The following PTPRT variants were observed in gnomAD, a reference collection of about 807,000 sequenced individuals.
The protein encoded by PTPRT is receptor-type tyrosine-protein phosphatase T.
PTPRT carries 56 observed loss-of-function variants against 176.8 expected under a neutral mutation model. The observed-to-expected ratio is 0.32, with a 90% CI of 0.26 to 0.40. The LOEUF is 0.40. PTPRT is among the 10% of genes least tolerant of loss of function. The probability of loss-of-function intolerance (pLI) is 1.00; values close to 1 mark genes in which losing one functional copy is unlikely to be tolerated. For missense variants in PTPRT, 1,540 were observed against 1,908.2 expected, an observed-to-expected ratio of 0.81 and a Z score of 3.60; for synonymous variants, 783 against 739.0, an observed-to-expected ratio of 1.06 and a Z score of -0.96.
At chr20:42,826,159 G>A (rs769158309) in intron 2 of PTPRT, among the ~76,000 whole-genome samples, 1 of 151,952 alleles carries the variant, frequency 6.6e-6, no homozygotes, top group Admixed American at 6.6e-5. Flanking sequence ...GCAAAACCAC[G>A]GGTGATCCAC....
intron 16 of PTPRT, among the ~76,000 whole-genome samples, chr20:42,194,897 C>A (rs1991142364): frequency 6.6e-6 from 1 of 152,022 alleles, no homozygotes; most frequent in Non-Finnish European, 1.5e-5. Flanking sequence ...ACTTAGCAGT[C>A]ACTTGAAATA....
In PTPRT at chr20:42,471,678, T is replaced by C. The variant is rs62204881; in HGVS notation, c.1450+588A>G. 8.4e-3 allele frequency among the ~76,000 whole-genome samples: 1,284 copies of C among 152,222 alleles called. 11 individuals carry two copies. Among genetic ancestry groups the C allele is most frequent in the Middle Eastern group, 0.014 (4 of 294 alleles). ...TTTTGTTTTGTTTTTTTGGTAGAGA[T>C]GGAATCTCACTCTGTTGCCCAGGCT... On this transcript the variant is annotated intron_variant, in intron 8 of 30. Coordinates refer to ENST00000373187, the MANE Select transcript of PTPRT (RefSeq NM_007050.6).
In PTPRT at chr20:43,189,478, C is replaced by G. The variant is rs921959280; in HGVS notation, c.88+168G>C. Reference sequence around the variant, plus strand: ...GGCCGGGCTCGCTGGCCGGGGCGCGCGGGGACACTGCTTCCCGCGCCTGCA... The same window carrying G: ...GGCCGGGCTCGCTGGCCGGGGCGCGGGGGGACACTGCTTCCCGCGCCTGCA... On this transcript the variant is annotated intron_variant, in intron 1 of 30. Coordinates refer to ENST00000373187, the MANE Select transcript of PTPRT (RefSeq NM_007050.6). This position sits in a 1 kb window ranked among gnomAD's most constrained non-coding sequence, Gnocchi z 5.0. 6.6e-6 allele frequency among the ~76,000 whole-genome samples: 1 copy of G among 151,818 alleles called. No homozygotes were observed. Among genetic ancestry groups the G allele is most frequent in the African/African-American group, 2.4e-5 (1 of 41,362 alleles).
intron 16 of PTPRT, among the ~76,000 whole-genome samples, chr20:42,195,266 T>C (rs1991168348): frequency 6.6e-6 from 1 of 152,204 alleles, no homozygotes; most frequent in South Asian, 2.1e-4. Context: ...TCAAGGCACG[T>C]TCTTCTGTAA....
At chr20:42,648,423 T>A (rs2074955217) in intron 7 of PTPRT, among the ~76,000 whole-genome samples, 1 of 152,072 alleles carries the variant, frequency 6.6e-6, no homozygotes, top group Non-Finnish European at 1.5e-5. Flanking sequence ...CCTGATGCTC[T>A]CAAGGAATGT....
At chr20:42,890,886 G>A (rs978589461) in intron 1 of PTPRT, among the ~76,000 whole-genome samples, 1 of 152,108 alleles carries the variant, frequency 6.6e-6, no homozygotes, top group Non-Finnish European at 1.5e-5. Flanking sequence ...AATCATAGGG[G>A]TGGTTTCCCC....
At chr20:42,618,698 C>G (rs2074128495) in intron 7 of PTPRT, among the ~76,000 whole-genome samples, 2 of 131,028 alleles carry the variant, frequency 1.5e-5, no homozygotes, top group Admixed American at 1.5e-4. Context: ...TATGTAATGG[C>G]CTTCTTTGTC....
At chr20:42,653,938 AT>A (rs1282895715) in intron 7 of PTPRT, among the ~76,000 whole-genome samples, 1 of 152,186 alleles carries the variant, frequency 6.6e-6, no homozygotes, top group Non-Finnish European at 1.5e-5. Flanking sequence ...TTCTTTTTAC[AT>A]TTTTGAGTCA....
chr20:42,473,082 CCATGCGTT>C (rs1438338990), intron 7 of PTPRT, among the ~76,000 whole-genome samples: 1 of 152,150 alleles, frequency 6.6e-6, no homozygotes, highest in African/African-American at 2.4e-5. Flanking sequence ...CCCAGTTTAT[CCATGCGTT>C]CATCATGACC....
At chr20:42,610,570 C>T (rs563705521) in intron 7 of PTPRT, among the ~76,000 whole-genome samples, 1 of 152,096 alleles carries the variant, frequency 6.6e-6, no homozygotes, top group South Asian at 2.1e-4. Context: ...GCCCTGTAAC[C>T]TTTTCCAAAC....
rs6102778 is a variant in PTPRT at position 42,327,860 on chromosome 20, G to A, written c.1866-11864C>T. ...AAAAATAAAACAACCAATTAGAAAA[G>A]CTATTCCCAGAAAATATGACAGAGA... On this transcript the variant is annotated intron_variant, in intron 11 of 30. Coordinates refer to ENST00000373187, the MANE Select transcript of PTPRT (RefSeq NM_007050.6). Among the ~76,000 whole-genome samples the A allele has an allele frequency of 8.7e-3, 1,325 of 152,038 alleles. 17 individuals are homozygous for A. Among genetic ancestry groups the A allele is most frequent in the African/African-American group, 0.031 (1,269 of 41,506 alleles).
intron 1 of PTPRT, among the ~76,000 whole-genome samples, chr20:42,988,077 G>T (rs1983702130): frequency 1.3e-5 from 2 of 152,154 alleles, no homozygotes; most frequent in Admixed American, 6.5e-5. Context: ...ACACACATCA[G>T]CCCTGGAACA....
chr20:42,109,267 A>G (rs1250907399), intron 23 of PTPRT, among the ~76,000 whole-genome samples: 1 of 151,974 alleles, frequency 6.6e-6, no homozygotes, highest in Non-Finnish European at 1.5e-5. Flanking sequence ...TGATAACTCA[A>G]GCATCCAGGG....
intron 3 of PTPRT, among the ~76,000 whole-genome samples, chr20:42,786,056 A>G (rs1425124125): frequency 6.6e-6 from 1 of 152,116 alleles, no homozygotes; most frequent in Admixed American, 6.5e-5. Context: ...TGATGGTTTT[A>G]TAAGTGTTTG....
chr20:42,131,222 ACAGCCCATC>A (rs1454469137), intron 18 of PTPRT, among the ~76,000 whole-genome samples: 1 of 152,164 alleles, frequency 6.6e-6, no homozygotes, highest in African/African-American at 2.4e-5. Context: ...TTCCTGGGGG[ACAGCCCATC>A]CAGCAGGCTG....
chr20:42,623,336 C>T (rs1230295420), intron 7 of PTPRT, among the ~76,000 whole-genome samples: 1 of 152,200 alleles, frequency 6.6e-6, no homozygotes, highest in Non-Finnish European at 1.5e-5. Context: ...AAGTCCTTGC[C>T]CTGGCTCCTA....
chr20:42,770,492 AG>A (rs1210518444), intron 5 of PTPRT, among the ~76,000 whole-genome samples: 2 of 152,180 alleles, frequency 1.3e-5, no homozygotes, highest in Non-Finnish European at 2.9e-5. Context: ...CCCCACTCAA[AG>A]AGATCCTTTC....
chr20:42,890,990 C>A lies in PTPRT; in HGVS notation c.89-5058G>T, dbSNP rs574708625. On this transcript the variant is annotated intron_variant, in intron 1 of 30. Transcript: ENST00000373187. ...GCTCTCATTCTTTCTTGTCTGCCACCATGTAAGATGTGCCTTTCACCTTCC... is the reference window on the plus strand; with the variant it reads ...GCTCTCATTCTTTCTTGTCTGCCACAATGTAAGATGTGCCTTTCACCTTCC... 2.6e-5 allele frequency among the ~76,000 whole-genome samples: 4 copies of A among 152,296 alleles called. No homozygotes were observed. The East Asian group carries it at 7.7e-4, about 29-fold the overall frequency.
At chr20:42,068,408 T>A (rs1568892257), downstream of PTPRT, among the ~76,000 whole-genome samples, 1 of 152,178 alleles carries the variant, frequency 6.6e-6, no homozygotes, top group Non-Finnish European at 1.5e-5. Flanking sequence ...AACAAGGTGC[T>A]CTTACCACTC....
Sources: gnomAD v4.1 joint callset for allele counts (sites outside exome capture counted in the v4.1 genomes callset) on GRCh38, gnomAD v4.1.1 for gene constraint, Gnocchi (gnomAD v3.1) non-coding constraint, MANE v1.5 for transcripts, NCBI Gene and HGNC (gene_info 2026-07-23, HGNC 2026-07-21) for gene names.